The following PPP2R5E variants were observed in gnomAD, a reference collection of about 807,000 sequenced individuals.
The protein encoded by PPP2R5E is serine/threonine-protein phosphatase 2A 56 kDa regulatory subunit epsilon isoform.
Under a neutral mutation model 65.3 loss-of-function variants are expected in PPP2R5E, and 4 were observed. That is an observed-to-expected ratio of 0.06 (90% CI 0.03 to 0.14). PPP2R5E has a LOEUF of 0.14. PPP2R5E is among the 10% of genes least tolerant of loss of function. The pLI is 1.00. For synonymous variants in PPP2R5E, 183 were observed against 187.4 expected (o/e 0.98, Z 0.19); for missense variants, 274 against 556.1 (o/e 0.49, Z 5.10).
At chr14:63,489,058 G>A (rs995039786) in intron 2 of PPP2R5E, among the ~76,000 whole-genome samples, 1 of 151,942 alleles carries the variant, frequency 6.6e-6, no homozygotes, top group Non-Finnish European at 1.5e-5. Flanking sequence ...TCACACAGAT[G>A]GTTAACGACA....
At chr14:63,521,697 GGTGGAGTTGGAGAGACAA>G (rs1174260642) in intron 2 of PPP2R5E, among the ~76,000 whole-genome samples, 2 of 152,130 alleles carry the variant, frequency 1.3e-5, no homozygotes, top group Non-Finnish European at 1.5e-5. Context: ...ATCAGTTGTA[GGTGGAGTTGGAGAGACAA>G]GTGCAGATGG....
rs538973470 is a variant in PPP2R5E at position 63,373,094 on chromosome 14, T to C, written c.*2915A>G. 6.6e-6 allele frequency: 1 copy of C among 152,236 alleles called. No homozygotes were observed. Among genetic ancestry groups the C allele is most frequent in the East Asian group, 1.9e-4 (1 of 5,182 alleles). The allele number at this position is 152,236 out of a possible 1,614,324, so 9.4% of individuals were successfully genotyped here. On this transcript the variant is annotated 3_prime_UTR_variant, in exon 14 of 14. Transcript: ENST00000337537. ...TATGAGATGGGTGAATTCACTCACA[T>C]AGTTGTTCTAGGCCCACAGCCTAAG... is the stretch of plus-strand genomic sequence containing the variant.
chr14:63,414,671 T>C (rs146577533), intron 5 of PPP2R5E, among the ~76,000 whole-genome samples: 444 of 152,330 alleles, frequency 2.9e-3, no homozygotes, highest in African/African-American at 9.4e-3. Flanking sequence ...TGTTAAGCTA[T>C]GCTATTTTCT....
At chr14:63,384,387 A>C in intron 12 of PPP2R5E, 57 bp downstream of exon 12, 1 of 1,564,168 alleles carries the variant, frequency 6.4e-7, no homozygotes, top group South Asian at 1.1e-5. Flanking sequence ...ATAAGGCTGA[A>C]GGGAAAGAAA....
intron 3 of PPP2R5E, among the ~76,000 whole-genome samples, chr14:63,424,039 G>A (rs1315181250): frequency 6.6e-6 from 1 of 152,180 alleles, no homozygotes; most frequent in Non-Finnish European, 1.5e-5. Context: ...AGAATAGGCA[G>A]GAAGAGGACA....
chr14:63,376,542 G>A (rs1883995418), intron 13 of PPP2R5E, among the ~76,000 whole-genome samples: 1 of 152,116 alleles, frequency 6.6e-6, no homozygotes, highest in African/African-American at 2.4e-5. Flanking sequence ...ATATTATTAA[G>A]TATTAAATTT....
chr14:63,437,880 TTG>T (rs1251101576), intron 3 of PPP2R5E, among the ~76,000 whole-genome samples: 1 of 152,170 alleles, frequency 6.6e-6, no homozygotes, highest in African/African-American at 2.4e-5. Flanking sequence ...ATGTCTTTCC[TTG>T]TGTGTGCCAC....
At chr14:63,404,318 T>C (rs949154497) in intron 5 of PPP2R5E, among the ~76,000 whole-genome samples, 3 of 152,190 alleles carry the variant, frequency 2.0e-5, no homozygotes, top group African/African-American at 7.2e-5. Flanking sequence ...TTCAAATAGA[T>C]AACCGATAAA....
chr14:63,464,901 T>C (rs1157809643), intron 2 of PPP2R5E, among the ~76,000 whole-genome samples: 2 of 152,002 alleles, frequency 1.3e-5, no homozygotes, highest in Non-Finnish European at 2.9e-5. Flanking sequence ...CATGTGTCTG[T>C]AGTTCCAGCT....
At chr14:63,520,830 A>G (rs1023305959) in intron 2 of PPP2R5E, among the ~76,000 whole-genome samples, 3 of 139,552 alleles carry the variant, frequency 2.1e-5, no homozygotes, top group African/African-American at 5.2e-5. Flanking sequence ...CCTGGCTAAC[A>G]TGGTGAAACC....
At chr14:63,438,897 G>A (rs1888068829) in intron 3 of PPP2R5E, among the ~76,000 whole-genome samples, 1 of 151,778 alleles carries the variant, frequency 6.6e-6, no homozygotes, top group South Asian at 2.1e-4. Flanking sequence ...AGTATATCAG[G>A]AATTCATTTA....
intron 3 of PPP2R5E, among the ~76,000 whole-genome samples, chr14:63,439,444 G>A (rs534936813): frequency 6.6e-6 from 1 of 151,850 alleles, no homozygotes; most frequent in East Asian, 1.9e-4. Context: ...GCACGATCTC[G>A]GCTCACAACA....
At chr14:63,467,822 G>A (rs1889915144) in intron 2 of PPP2R5E, among the ~76,000 whole-genome samples, 1 of 152,218 alleles carries the variant, frequency 6.6e-6, no homozygotes, top group African/African-American at 2.4e-5. Context: ...GTTCCAATCA[G>A]GCTCCAGCTG....
At chr14:63,415,063 T>C (rs1886623116) in intron 5 of PPP2R5E, 77 bp downstream of exon 5, 1 of 1,094,336 alleles carries the variant, frequency 9.1e-7, no homozygotes. Flanking sequence ...GCAAAACTTT[T>C]TTAACAAACA....
At chr14:63,434,437 G>A (rs996427304) in intron 3 of PPP2R5E, among the ~76,000 whole-genome samples, 1 of 152,160 alleles carries the variant, frequency 6.6e-6, no homozygotes, top group Admixed American at 6.5e-5. Flanking sequence ...ACGCCTCCAA[G>A]TCATGATTTC....
chr14:63,388,031 G>T (rs866869812), intron 11 of PPP2R5E, among the ~76,000 whole-genome samples: 2 of 152,048 alleles, frequency 1.3e-5, no homozygotes, highest in South Asian at 2.1e-4. Flanking sequence ...CGCCAGTCTT[G>T]TTATGGCAGC....
At chr14:63,507,825 ACCTCGG>A (rs1892279097) in intron 2 of PPP2R5E, among the ~76,000 whole-genome samples, 1 of 151,954 alleles carries the variant, frequency 6.6e-6, no homozygotes, top group South Asian at 2.1e-4. Flanking sequence ...TGATCCGCCC[ACCTCGG>A]CCTCCCAAAG....
chr14:63,484,350 C>G (rs965965962), intron 2 of PPP2R5E, among the ~76,000 whole-genome samples: 24 of 118,796 alleles, frequency 2.0e-4, no homozygotes, highest in African/African-American at 5.9e-4. Context: ...CTCTCTCTCA[C>G]ACACACACAC....
rs1459419731 is a variant in PPP2R5E, at chr14:63,374,138, A to C, written c.*1871T>G. On this transcript the variant is annotated 3_prime_UTR_variant, in exon 14 of 14. Transcript: ENST00000337537. ...GCCAGTTTTGTTTGTTTTTTTACAA[A>C]GTTACCGAGATGACAATATCCATAA... The C allele has an allele frequency of 6.6e-6, 1 of 151,012 alleles. No homozygotes were observed. The highest frequency in any genetic ancestry group is 2.4e-5 in the African/African-American group (1 of 41,014). 9.4% of individuals were successfully genotyped at this position (151,012 alleles called of 1,614,324 possible).
Sources: allele counts gnomAD v4.1 joint callset (sites outside exome capture counted in the v4.1 genomes callset), GRCh38; gene constraint gnomAD v4.1.1; transcripts MANE v1.5; gene names NCBI Gene and HGNC (gene_info 2026-07-23, HGNC 2026-07-21).